The following CEP44 variants were observed in gnomAD, a reference collection of about 807,000 sequenced individuals.
CEP44 encodes the protein centrosomal protein of 44 kDa.
A neutral mutation model predicts 46.7 loss-of-function variants in CEP44; 45 were observed. The ratio of observed to expected loss-of-function variants is 0.96; its 90% CI spans 0.76 to 1.24. The LOEUF is 1.24. CEP44 is among the 50% of genes most tolerant of loss of function. The pLI is 0.00. For missense variants in CEP44, 475 were observed against 459.7 expected, an observed-to-expected ratio of 1.03 and a Z score of -0.30; for synonymous variants, 142 against 146.0, an observed-to-expected ratio of 0.97 and a Z score of 0.20.
In CEP44 at chr4:174,295,061, G is replaced by A. The variant is rs567835568; in HGVS notation, c.-147-2905G>A. Among the ~76,000 whole-genome samples the A allele has an allele frequency of 7.7e-3, 1,150 of 148,402 alleles. 6 individuals carry two copies. The highest frequency in any genetic ancestry group is 0.027 in the African/African-American group (1,055 of 39,784). ...CCCCCACCTCCCTCCCGGACGGGGC[G>A]GCTGGCCGGGCGGGGGGCTGATCCC... On this transcript the variant is annotated intron_variant, in intron 1 of 11. Transcript: ENST00000503780.
intron 9 of CEP44, 108 bp from the exon 10 acceptor site, chr4:174,316,058 C>A: frequency 7.5e-7 from 1 of 1,338,066 alleles, no homozygotes; most frequent in Non-Finnish European, 1.0e-6. Context: ...TGCGGATAGC[C>A]ATTTTTAATT....
chr4:174,316,610 G>A, intron 11 of CEP44, 43 bp downstream of exon 11: 1 of 1,516,656 alleles, frequency 6.6e-7, no homozygotes, highest in South Asian at 1.2e-5. Flanking sequence ...TTCTCTATAG[G>A]GAATTGTATT....
At chr4:174,284,527 A>G (rs564759343) in intron 1 of CEP44, among the ~76,000 whole-genome samples, 30 of 152,298 alleles carry the variant, frequency 2.0e-4, no homozygotes, top group African/African-American at 6.7e-4. Flanking sequence ...CCTTTATTGA[A>G]GGCTACAGAT....
chr4:174,284,171 C>T (rs1560880452), intron 1 of CEP44: 1 of 397,950 alleles, frequency 2.5e-6, no homozygotes, highest in Non-Finnish European at 4.4e-6. Context: ...AAGGCTGCGC[C>T]TGGTATTGGG....
downstream of CEP44, among the ~76,000 whole-genome samples, chr4:174,324,269 G>A (rs768924974): frequency 6.6e-6 from 1 of 152,092 alleles, no homozygotes; most frequent in Non-Finnish European, 1.5e-5. Flanking sequence ...ATTTCAGTGT[G>A]CTAACATACC....
rs549387339 is a variant in CEP44 at position 174,307,978 on chromosome 4, G to T, written c.508-711G>T. On this transcript the variant is annotated intron_variant, in intron 6 of 11. Coordinates refer to ENST00000503780, the MANE Select transcript of CEP44 (RefSeq NM_001040157.3). Reference sequence around the variant, plus strand: ...AATAACAGATGCTCGTGAGTTTGTGGAAGAAAAGGAACATTTATACACTGT... The same window carrying T: ...AATAACAGATGCTCGTGAGTTTGTGTAAGAAAAGGAACATTTATACACTGT... Among the ~76,000 whole-genome samples, 11 of 152,242 alleles carry T rather than the reference G, an allele frequency of 7.2e-5. No individual in the cohort carries two copies. The South Asian group carries it at 2.3e-3, about 32-fold the overall frequency.
rs1740507342 is a variant in CEP44 at position 174,307,170 on chromosome 4, A to C, written c.508-1519A>C. The stretch of plus-strand genomic sequence containing the variant: ...AATAGCCAAGGCAATCCTAAGGAGA[A>C]AGAACAAAGCTGGAGGGATCATGCT... On this transcript the variant is annotated intron_variant, in intron 6 of 11. Coordinates refer to ENST00000503780, the MANE Select transcript of CEP44 (RefSeq NM_001040157.3). Among the ~76,000 whole-genome samples, 5 of 152,350 alleles carry C rather than the reference A, an allele frequency of 3.3e-5. No homozygotes were observed. The South Asian group carries it at 1.0e-3, about 32-fold the overall frequency.
At chr4:174,328,790 A>G (rs1006036510) in intron 8 of CEP44, among the ~76,000 whole-genome samples, 12 of 152,238 alleles carry the variant, frequency 7.9e-5, no homozygotes, top group Non-Finnish European at 1.3e-4. Context: ...TAAATTCTGC[A>G]TAGAAGTTAT....
intron 6 of CEP44, among the ~76,000 whole-genome samples, chr4:174,307,033 C>T (rs1338022109): frequency 1.3e-5 from 2 of 152,140 alleles, no homozygotes; most frequent in African/African-American, 2.4e-5. Context: ...AATGACTGTA[C>T]TGCCCAAAGC....
chr4:174,307,242 TG>T (rs941955733), intron 6 of CEP44, among the ~76,000 whole-genome samples: 1 of 152,098 alleles, frequency 6.6e-6, no homozygotes, highest in African/African-American at 2.4e-5. Context: ...CAAAACATCA[TG>T]GTACTAGTAC....
chr4:174,319,721 C>T lies in CEP44; in HGVS notation c.*2338C>T. On this transcript the variant is annotated 3_prime_UTR_variant, in exon 12 of 12. Transcript: ENST00000503780. ...CTTTAATAACTTGTCTAACAACTCT[C>T]TAATAGGGACTAAAAATCAACTCAA... 1 of 873,636 alleles carries T rather than the reference C, an allele frequency of 1.1e-6. No homozygotes were observed. The highest frequency in any genetic ancestry group is 1.8e-5 in the African/African-American group (1 of 55,616). The allele number at this position is 873,636 out of a possible 1,614,324, so 54.1% of individuals were successfully genotyped here.
At chr4:174,295,363 G>A (rs1486080312) in intron 1 of CEP44, among the ~76,000 whole-genome samples, 5 of 151,198 alleles carry the variant, frequency 3.3e-5, no homozygotes, top group Non-Finnish European at 5.9e-5. Flanking sequence ...GGCAGGGGCA[G>A]AGGCGCTCCC....
chr4:174,307,286 A>G (rs878962738), intron 6 of CEP44, among the ~76,000 whole-genome samples: 1 of 152,184 alleles, frequency 6.6e-6, no homozygotes, highest in African/African-American at 2.4e-5. Context: ...GGAAGAGAAT[A>G]GAGAACCCAG....
intron 4 of CEP44, among the ~76,000 whole-genome samples, chr4:174,303,375 G>C (rs374712908): frequency 6.6e-6 from 1 of 152,226 alleles, no homozygotes; most frequent in Non-Finnish European, 1.5e-5. Flanking sequence ...TCTGACTCTG[G>C]TATGGTATTC....
Position 174,319,283 on chromosome 4 carries a change from A to G in CEP44, c.*1900A>G. ...GTACATTTATAAAAATTAAGAGGTT[A>G]AGAGGTTATAGTTATAAGGGAAAAA... On this transcript the variant is annotated 3_prime_UTR_variant, in exon 12 of 12. Coordinates refer to ENST00000503780, the MANE Select transcript of CEP44 (RefSeq NM_001040157.3). 1.0e-6 allele frequency: 1 copy of G among 971,768 alleles called. No individual in the cohort carries two copies. Among genetic ancestry groups the G allele is most frequent in the Non-Finnish European group, 1.2e-6 (1 of 817,520 alleles). The allele number at this position is 971,768 out of a possible 1,614,324, so 60.2% of individuals were successfully genotyped here.
In CEP44 at chr4:174,286,642, C is replaced by T. The variant is rs1029492207; in HGVS notation, c.-148+2699C>T. Among the ~76,000 whole-genome samples, 1 of 152,118 alleles carries T rather than the reference C, an allele frequency of 6.6e-6. No individual in the cohort carries two copies. The highest frequency in any genetic ancestry group is 2.4e-5 in the African/African-American group (1 of 41,422). ...CCTCCTTCCAGCAAAGGTTCTTAATCGTTTATATACCTATTTATGACTCTT... is the reference window on the plus strand; with the variant it reads ...CCTCCTTCCAGCAAAGGTTCTTAATTGTTTATATACCTATTTATGACTCTT... On this transcript the variant is annotated intron_variant, in intron 1 of 11. Transcript: ENST00000503780. This position sits in a 1 kb window ranked among gnomAD's most constrained non-coding sequence, Gnocchi z 5.2.
At chr4:174,324,097 T>C (rs1479839241), downstream of CEP44, among the ~76,000 whole-genome samples, 1 of 152,170 alleles carries the variant, frequency 6.6e-6, no homozygotes, top group Non-Finnish European at 1.5e-5. Flanking sequence ...ACCACTGATT[T>C]GCATTCCATC....
chr4:174,288,051 A>G lies in CEP44; in HGVS notation c.-148+4108A>G, dbSNP rs1424800444. 1.3e-5 allele frequency among the ~76,000 whole-genome samples: 2 copies of G among 152,176 alleles called. No individual in the cohort carries two copies. The highest frequency in any genetic ancestry group is 1.3e-4 in the Admixed American group (2 of 15,282). ...AGAAGGAGAAAATTTGGGGTGCTTT[A>G]TATACAAAGGGACTATTTTTAGAGG... On this transcript the variant is annotated intron_variant, in intron 1 of 11. Coordinates refer to ENST00000503780, the MANE Select transcript of CEP44 (RefSeq NM_001040157.3). This position sits in a 1 kb window ranked among gnomAD's most constrained non-coding sequence, Gnocchi z 4.6.
chr4:174,294,879 C>T lies in CEP44; in HGVS notation c.-147-3087C>T, dbSNP rs538294733. On this transcript the variant is annotated intron_variant, in intron 1 of 11. Transcript: ENST00000503780. ...CTGATCCCCCCACCTCCCTCCCGGACGGGGCGGCTGGCCGGGCAGATGGGC... is the reference window on the plus strand; with the variant it reads ...CTGATCCCCCCACCTCCCTCCCGGATGGGGCGGCTGGCCGGGCAGATGGGC... 4.0e-4 allele frequency among the ~76,000 whole-genome samples: 52 copies of T among 130,462 alleles called. No individual in the cohort carries two copies. The East Asian group carries it at 9.1e-3, about 23-fold the overall frequency. 85.6% of individuals were successfully genotyped at this position (130,462 alleles called of 152,430 possible).
Sources: gnomAD v4.1 joint callset for allele counts (sites outside exome capture counted in the v4.1 genomes callset) on GRCh38, gnomAD v4.1.1 for gene constraint, Gnocchi (gnomAD v3.1) non-coding constraint, MANE v1.5 for transcripts, NCBI Gene and HGNC (gene_info 2026-07-23, HGNC 2026-07-21) for gene names.